The following OR9Q1 variants were observed in gnomAD, a reference collection of about 807,000 sequenced individuals.
OR9Q1 encodes olfactory receptor family 9 subfamily Q member 1.
For missense variants in OR9Q1, 374 were observed against 378.8 expected, an observed-to-expected ratio of 0.99 and a Z score of 0.11; for synonymous variants, 153 against 148.6, an observed-to-expected ratio of 1.03 and a Z score of -0.22.
intron 2 of OR9Q1, among the ~76,000 whole-genome samples, chr11:58,096,022 C>T (rs1407449199): frequency 6.6e-6 from 1 of 152,060 alleles, no homozygotes; most frequent in Non-Finnish European, 1.5e-5. Flanking sequence ...ACAAATGTTA[C>T]ATTGACTGGA....
intron 2 of OR9Q1, among the ~76,000 whole-genome samples, chr11:58,153,083 G>A (rs1242064593): frequency 1.3e-5 from 2 of 152,190 alleles, no homozygotes; most frequent in Admixed American, 6.5e-5. Context: ...AGAGGGATGA[G>A]CTGAATCTAG....
At chr11:58,175,029 C>T (rs1854590679) in intron 2 of OR9Q1, among the ~76,000 whole-genome samples, 1 of 137,502 alleles carries the variant, frequency 7.3e-6, no homozygotes, top group Non-Finnish European at 1.5e-5. Flanking sequence ...TTGCTTGAAC[C>T]TGGGAGGCAG....
rs137940934 is a variant in OR9Q1 at position 58,081,524 on chromosome 11, A to G, written c.-15+25577A>G. On this transcript the variant is annotated intron_variant, in intron 2 of 2. Transcript: ENST00000335397. ...TGATCACCATTCTAACTGGTGTGAGATGTTATCTCATTGTGGTTTTGATTT... is the reference window on the plus strand; with the variant it reads ...TGATCACCATTCTAACTGGTGTGAGGTGTTATCTCATTGTGGTTTTGATTT... 6.7e-4 allele frequency among the ~76,000 whole-genome samples: 102 copies of G among 152,220 alleles called. 1 individual carries two copies. The East Asian group carries it at 0.017, about 25-fold the overall frequency.
At chr11:58,031,648 C>G in intron 1 of OR9Q1, 2 of 1,613,812 alleles carry the variant, frequency 1.2e-6, no homozygotes, top group South Asian at 2.2e-5. Flanking sequence ...TGCTGCACAT[C>G]CGCTCAGCTG....
At chr11:58,045,623 T>A (rs1175340632) in intron 1 of OR9Q1, among the ~76,000 whole-genome samples, 2 of 152,316 alleles carry the variant, frequency 1.3e-5, no homozygotes, top group East Asian at 3.9e-4. Context: ...CATGAGTGCA[T>A]GACAAGTGCT....
At chr11:58,056,793 T>TA (rs1853332747) in intron 2 of OR9Q1, among the ~76,000 whole-genome samples, 1 of 152,034 alleles carries the variant, frequency 6.6e-6, no homozygotes, top group Non-Finnish European at 1.5e-5. Flanking sequence ...GCAGAGAAAA[T>TA]AGAGCATCTC....
chr11:58,083,197 G>A (rs893783908), intron 2 of OR9Q1, among the ~76,000 whole-genome samples: 8 of 152,032 alleles, frequency 5.3e-5, no homozygotes, highest in Non-Finnish European at 8.8e-5. Context: ...TATGGTGTAA[G>A]GAAGGGATCC....
intron 2 of OR9Q1, among the ~76,000 whole-genome samples, chr11:58,080,852 T>G (rs1853580428): frequency 6.6e-6 from 1 of 152,170 alleles, no homozygotes; most frequent in Non-Finnish European, 1.5e-5. Flanking sequence ...TAAGTTCGGT[T>G]ACACGTGCAC....
At chr11:58,175,267 G>A (rs1413083855) in intron 2 of OR9Q1, among the ~76,000 whole-genome samples, 4 of 152,078 alleles carry the variant, frequency 2.6e-5, no homozygotes, top group East Asian at 1.9e-4. Flanking sequence ...AGAAAGCAGT[G>A]GAGTCAGATG....
intron 2 of OR9Q1, among the ~76,000 whole-genome samples, chr11:58,164,192 AGAG>A (rs748181096): frequency 6.6e-6 from 1 of 152,108 alleles, no homozygotes; most frequent in Non-Finnish European, 1.5e-5. Flanking sequence ...GGGAAGGGAA[AGAG>A]GAGGAGAAGA....
chr11:58,091,020 G>A (rs1037938364), intron 2 of OR9Q1, among the ~76,000 whole-genome samples: 41 of 151,550 alleles, frequency 2.7e-4, no homozygotes, highest in Non-Finnish European at 5.5e-4. Context: ...GTGTCTATTC[G>A]ATTCCTCTTT....
intron 2 of OR9Q1, chr11:58,078,309 G>A (rs1459983766): frequency 6.6e-6 from 1 of 152,242 alleles, no homozygotes; most frequent in Non-Finnish European, 1.5e-5. Flanking sequence ...CACAAATGAA[G>A]AAAAAGGACC....
intron 2 of OR9Q1, among the ~76,000 whole-genome samples, chr11:58,146,016 C>T (rs1335727041): frequency 1.3e-5 from 2 of 152,116 alleles, no homozygotes; most frequent in Non-Finnish European, 2.9e-5. Flanking sequence ...GTGTGTTAGC[C>T]TGCTTCCCAA....
At chr11:58,117,112 G>A (rs1853963174) in intron 2 of OR9Q1, 1 of 152,140 alleles carries the variant, frequency 6.6e-6, no homozygotes, top group Admixed American at 6.5e-5. Flanking sequence ...AAGGGTCCAG[G>A]GTTGACATCA....
chr11:58,084,528 T>C (rs1243335381), intron 2 of OR9Q1, among the ~76,000 whole-genome samples: 1 of 151,826 alleles, frequency 6.6e-6, no homozygotes, highest in Non-Finnish European at 1.5e-5. Flanking sequence ...TGAATATGCA[T>C]GCATAAATCC....
intron 2 of OR9Q1, among the ~76,000 whole-genome samples, chr11:58,110,822 G>A (rs973649470): frequency 3.9e-5 from 6 of 152,166 alleles, no homozygotes; most frequent in Admixed American, 2.6e-4. Context: ...GGTAGTGGAA[G>A]TTCCTTTGTC....
Position 58,150,960 on chromosome 11 carries a change from A to G in OR9Q1, c.-14-28471A>G, listed in dbSNP as rs553108496. Among the ~76,000 whole-genome samples, 4 of 152,260 alleles carry G rather than the reference A, an allele frequency of 2.6e-5. No individual in the cohort carries two copies. The East Asian group carries it at 7.7e-4, about 29-fold the overall frequency. ...TAGTAAGACAAAATGTGCTTTTGGT[A>G]TGATACCTAAAAAATCATTGCCACA... On this transcript the variant is annotated intron_variant, in intron 2 of 2. Transcript: ENST00000335397.
intron 2 of OR9Q1, 122 bp from the exon 3 acceptor site, chr11:58,179,309 C>A: frequency 1.6e-6 from 1 of 627,364 alleles, no homozygotes; most frequent in Non-Finnish European, 2.7e-6. Flanking sequence ...CAGGTGTGAG[C>A]CACAGCACCT....
intron 1 of OR9Q1, among the ~76,000 whole-genome samples, chr11:58,053,727 C>T (rs1317856316): frequency 1.5e-5 from 2 of 134,150 alleles, no homozygotes; most frequent in Admixed American, 1.6e-4. Flanking sequence ...AGTATCTTTT[C>T]AGTGTATTCT....
Sources: gnomAD v4.1 joint callset for allele counts (sites outside exome capture counted in the v4.1 genomes callset) on GRCh38, gnomAD v4.1.1 for gene constraint, MANE v1.5 for transcripts, NCBI Gene and HGNC (gene_info 2026-07-23, HGNC 2026-07-21) for gene names.